Variants in ITK observed in about 807,000 individuals in gnomAD.
ITK encodes tyrosine-protein kinase ITK/TSK.
In ITK, 45 loss-of-function variants were observed where a neutral mutation model predicts 87.6. The observed-to-expected ratio is 0.51, with a 90% CI of 0.40 to 0.66. The LOEUF (loss-of-function observed/expected upper bound fraction) is 0.66. ITK is among the 30% of genes least tolerant of loss of function. The probability of loss-of-function intolerance (pLI) is 0.00; values close to 1 mark genes in which losing one functional copy is unlikely to be tolerated. For synonymous variants in ITK, 303 were observed against 273.6 expected, an observed-to-expected ratio of 1.11 and a Z score of -1.06; for missense variants, 605 against 766.3, an observed-to-expected ratio of 0.79 and a Z score of 2.48.
chr5:157,222,298 T>C (rs1455302470), intron 5 of ITK, among the ~76,000 whole-genome samples: 1 of 151,970 alleles, frequency 6.6e-6, no homozygotes, highest in Non-Finnish European at 1.5e-5. Context: ...ACATCAGCAA[T>C]AGAGCCTACA....
chr5:157,227,432 C>CT (rs1754554521), intron 6 of ITK, among the ~76,000 whole-genome samples: 1 of 152,080 alleles, frequency 6.6e-6, no homozygotes, highest in Non-Finnish European at 1.5e-5. Context: ...TGGCTTTATC[C>CT]TTTTTTTCTC....
chr5:157,227,337 AT>A (rs974029313), intron 6 of ITK, among the ~76,000 whole-genome samples: 1 of 152,238 alleles, frequency 6.6e-6, no homozygotes, highest in African/African-American at 2.4e-5. Context: ...GAAGTTTGAT[AT>A]TCTTATTTTG....
At chr5:157,204,461 AG>A (rs1161420745) in intron 1 of ITK, among the ~76,000 whole-genome samples, 4 of 152,162 alleles carry the variant, frequency 2.6e-5, no homozygotes, top group African/African-American at 7.2e-5. Context: ...GCACTTTGGG[AG>A]GTTGAGGTGG....
intron 5 of ITK, 77 bp downstream of exon 5, chr5:157,217,984 C>T (rs1266949515): frequency 7.9e-7 from 1 of 1,258,642 alleles, no homozygotes; most frequent in Non-Finnish European, 1.2e-6. Context: ...TGCATGTCCC[C>T]CTCTCCCCAT....
At chr5:157,246,616 C>G (rs1203019230) in intron 15 of ITK, among the ~76,000 whole-genome samples, 1 of 151,998 alleles carries the variant, frequency 6.6e-6, no homozygotes, top group East Asian at 1.9e-4. Flanking sequence ...TAAAATAAAA[C>G]AGTAATGGGG....
At chr5:157,201,074 T>TATACAATA (rs1369843900) in intron 1 of ITK, among the ~76,000 whole-genome samples, 1 of 130,536 alleles carries the variant, frequency 7.7e-6, no homozygotes, top group East Asian at 3.3e-4. Flanking sequence ...ATTAAGATAA[T>TATACAATA]ATACAATATT....
At chr5:157,213,853 CT>C (rs1754243271) in intron 3 of ITK, among the ~76,000 whole-genome samples, 1 of 152,140 alleles carries the variant, frequency 6.6e-6, no homozygotes, top group African/African-American at 2.4e-5. Context: ...TCTCATTACC[CT>C]TAAGGCACCT....
intron 13 of ITK, chr5:157,244,859 G>A: frequency 3.5e-6 from 1 of 289,234 alleles, no homozygotes; most frequent in Non-Finnish European, 6.8e-6. Flanking sequence ...GCTACTCTCA[G>A]AATCTCTGGT....
intron 1 of ITK, among the ~76,000 whole-genome samples, chr5:157,206,147 G>A (rs1281218412): frequency 2.0e-5 from 3 of 151,750 alleles, no homozygotes; most frequent in Admixed American, 6.6e-5. Context: ...TAGAAACAGA[G>A]TTTCACCACG....
chr5:157,191,833 G>A (rs934332117), intron 1 of ITK, among the ~76,000 whole-genome samples: 2 of 152,102 alleles, frequency 1.3e-5, no homozygotes, highest in African/African-American at 2.4e-5. Context: ...CCAAAAAAAA[G>A]CAGTATACAT....
intron 13 of ITK, 153 bp from the exon 14 acceptor site, chr5:157,245,573 G>A: frequency 1.4e-6 from 1 of 706,064 alleles, no homozygotes; most frequent in Non-Finnish European, 2.6e-6. Context: ...AGCGGCATTT[G>A]TGAGGCTTAA....
At chr5:157,217,790 C>G (rs748726501) in intron 4 of ITK, 77 bp from the exon 5 acceptor site, 1 of 1,320,020 alleles carries the variant, frequency 7.6e-7, no homozygotes, top group African/African-American at 1.4e-5. Flanking sequence ...CTCAGAAAAA[C>G]CCCCTGGCTG....
At chr5:157,184,608 G>A (rs905619234) in intron 1 of ITK, among the ~76,000 whole-genome samples, 39 of 152,172 alleles carry the variant, frequency 2.6e-4, no homozygotes, top group African/African-American at 5.8e-4. Flanking sequence ...TGTGGCTCAC[G>A]TGGCCACTTT....
Position 157,218,607 on chromosome 5 carries a change from C to T in ITK, c.495+700C>T, listed in dbSNP as rs568375999. Among the ~76,000 whole-genome samples, 51 of 152,112 alleles carry T rather than the reference C, an allele frequency of 3.4e-4. 1 individual carries two copies. Among genetic ancestry groups the T allele is most frequent in the African/African-American group, 1.2e-3 (51 of 41,510 alleles). ...TTTTATATATTTCAAAGCACTTCCACCCCTTTATTATCTATTTTAAAACTT... is the reference window on the plus strand; with the variant it reads ...TTTTATATATTTCAAAGCACTTCCATCCCTTTATTATCTATTTTAAAACTT... On this transcript the variant is annotated intron_variant, in intron 5 of 16. Coordinates refer to ENST00000422843, the MANE Select transcript of ITK (RefSeq NM_005546.4).
chr5:157,219,700 C>T (rs1013489661), intron 5 of ITK, among the ~76,000 whole-genome samples: 3 of 152,220 alleles, frequency 2.0e-5, no homozygotes, highest in Non-Finnish European at 4.4e-5. Context: ...CTTTCACTGA[C>T]CTTCTGCAGA....
chr5:157,250,907 C>A (rs1168571045), intron 16 of ITK, among the ~76,000 whole-genome samples: 1 of 152,082 alleles, frequency 6.6e-6, no homozygotes, highest in Admixed American at 6.5e-5. Flanking sequence ...TATGGATATG[C>A]CACAGTTTGT....
chr5:157,180,993 C>G lies in ITK; in HGVS notation c.16C>G (p.Leu6Val). MNNFI[L>V]LEEQLIKKSQ... ...GAACTGGATCATGAACAACTTTATC[C>G]TCCTGGAAGAACAGCTCATCAAGAA... Residue 6 changes from leucine to valine, a missense_variant, in exon 1 of 17, where the codon CTC becomes GTC. This residue lies in a region of ITK where 464 missense variants were observed against 578.0 expected (regional missense o/e 0.80). Coordinates refer to ENST00000422843, the MANE Select transcript of ITK (RefSeq NM_005546.4). 1 of 1,613,930 alleles carries G rather than the reference C, an allele frequency of 6.2e-7. No individual in the cohort carries two copies. Among genetic ancestry groups the G allele is most frequent in the South Asian group, 1.1e-5 (1 of 91,086 alleles).
intron 6 of ITK, among the ~76,000 whole-genome samples, chr5:157,224,705 T>C (rs1249124151): frequency 1.3e-5 from 2 of 152,050 alleles, no homozygotes; most frequent in Non-Finnish European, 2.9e-5. Flanking sequence ...CGCTTGAACC[T>C]GGGAGGTGGA....
rs80306385 is a variant in ITK at position 157,181,433 on chromosome 5, T to A, written c.138+318T>A. Among the ~76,000 whole-genome samples the A allele has an allele frequency of 8.0e-3, 1,221 of 152,320 alleles. 19 individuals carry two copies. The highest frequency in any genetic ancestry group is 0.028 in the African/African-American group (1,169 of 41,568). On this transcript the variant is annotated intron_variant, in intron 1 of 16. Coordinates refer to ENST00000422843, the MANE Select transcript of ITK (RefSeq NM_005546.4). ...GCAAGTATTATGATTCGATAAAACT[T>A]GAACTTTCTATGAAACATACTAAAT...
Sources: allele counts gnomAD v4.1 joint callset (sites outside exome capture counted in the v4.1 genomes callset), GRCh38; gene constraint gnomAD v4.1.1; regional missense constraint gnomAD v4.1.1; transcripts MANE v1.5; gene names NCBI Gene and HGNC (gene_info 2026-07-23, HGNC 2026-07-21).